The following RERE variants were observed in gnomAD, a reference collection of about 807,000 sequenced individuals.
RERE encodes the protein arginine-glutamic acid dipeptide repeats protein.
A neutral mutation model predicts 146.1 loss-of-function variants in RERE; 40 were observed. The ratio of observed to expected loss-of-function variants is 0.27; its 90% confidence interval spans 0.21 to 0.36. The LOEUF (loss-of-function observed/expected upper bound fraction) is 0.36. Among genes scored for constraint, RERE ranks in the 10% least tolerant of loss-of-function variants. The pLI is 1.00. For synonymous variants in RERE, 1,003 were observed against 866.0 expected (o/e 1.16, Z -2.78); for missense variants, 1,933 against 2,138.7 (o/e 0.90, Z 1.90).
At chr1:8,540,951 C>T (rs183261464) in intron 7 of RERE, among the ~76,000 whole-genome samples, 7 of 152,278 alleles carry the variant, frequency 4.6e-5, no homozygotes, top group Non-Finnish European at 1.0e-4. Flanking sequence ...ATATCTTTAT[C>T]CCACCTTCTT....
chr1:8,486,486 A>G (rs1644901067), intron 10 of RERE, among the ~76,000 whole-genome samples: 2 of 152,180 alleles, frequency 1.3e-5, no homozygotes, highest in Admixed American at 1.3e-4. Context: ...AATTCAAAAC[A>G]TTTTTGAACA....
intron 7 of RERE, chr1:8,519,786 C>T (rs942198883): frequency 3.9e-5 from 6 of 152,048 alleles, no homozygotes; most frequent in Non-Finnish European, 8.8e-5. Flanking sequence ...CTGTCTTGCC[C>T]TCTAGACTGG....
intron 7 of RERE, among the ~76,000 whole-genome samples, chr1:8,525,010 T>C (rs138432350): frequency 1.1e-3 from 163 of 152,244 alleles, no homozygotes; most frequent in Non-Finnish European, 2.1e-3. Context: ...ATAAACAAAA[T>C]ACCTAAACTT....
Position 8,508,524 on chromosome 1 carries a change from G to C in RERE, c.879+103C>G. Reference sequence around the variant, plus strand: ...ACCTCTGTATTTATAAAAAATTCCCGATAGCAATAACCACATTCTAAGATG... The same window carrying C: ...ACCTCTGTATTTATAAAAAATTCCCCATAGCAATAACCACATTCTAAGATG... On this transcript the variant is annotated intron_variant, in intron 8 of 22. Transcript: ENST00000400908. 3 of 887,662 alleles carry C rather than the reference G, an allele frequency of 3.4e-6. 1 individual carries two copies. Among genetic ancestry groups the C allele is most frequent in the Non-Finnish European group, 5.5e-6 (3 of 549,316 alleles). The allele number at this position is 887,662 out of a possible 1,614,324, so 55.0% of individuals were successfully genotyped here. A position where few individuals can be genotyped will look rare whatever the true frequency, so the allele number is the denominator to read the frequency against.
chr1:8,667,122 G>A (rs560431952), intron 1 of RERE, among the ~76,000 whole-genome samples: 1 of 152,140 alleles, frequency 6.6e-6, no homozygotes, highest in Non-Finnish European at 1.5e-5. Flanking sequence ...AAACAACTGA[G>A]AGAACTAAGA....
rs151205046 is a variant in RERE at position 8,696,255 on chromosome 1, G to A, written c.-144-39814C>T. Among the ~76,000 whole-genome samples, 541 of 152,232 alleles carry A rather than the reference G, an allele frequency of 3.6e-3. 1 individual carries two copies. The highest frequency in any genetic ancestry group is 5.4e-3 in the Admixed American group (83 of 15,278). On this transcript the variant is annotated intron_variant, in intron 1 of 22. Transcript: ENST00000400908. ...CATGCACTCGTATGTTCATCACAGC[G>A]CTATACACAATACCAAAGACATGGA...
intron 6 of RERE, among the ~76,000 whole-genome samples, chr1:8,545,685 C>CT (rs1165619190): frequency 0.026 from 3,508 of 135,376 alleles, 94 homozygotes; most frequent in Admixed American, 0.077. Flanking sequence ...ATAAAAAATT[C>CT]TTTTTTTTTT....
intron 4 of RERE, among the ~76,000 whole-genome samples, chr1:8,568,798 GATTT>G (rs1366644223): frequency 6.6e-6 from 1 of 152,098 alleles, no homozygotes; most frequent in Non-Finnish European, 1.5e-5. Flanking sequence ...GATGGAGTGA[GATTT>G]ATTATTCCCT....
At chr1:8,775,296 G>A (rs2124552731) in intron 1 of RERE, among the ~76,000 whole-genome samples, 1 of 152,244 alleles carries the variant, frequency 6.6e-6, no homozygotes, top group Admixed American at 6.5e-5. Flanking sequence ...TCTGGGCCGG[G>A]AACAGTGGCT....
chr1:8,720,269 CA>C (rs34328284), intron 1 of RERE, among the ~76,000 whole-genome samples: 116 of 126,264 alleles, frequency 9.2e-4, no homozygotes, highest in African/African-American at 9.3e-4. Context: ...GACTCCATCT[CA>C]AAAAAAAAAA....
intron 10 of RERE, among the ~76,000 whole-genome samples, chr1:8,491,233 G>A (rs1252477277): frequency 2.0e-5 from 3 of 150,876 alleles, no homozygotes; most frequent in African/African-American, 5.0e-5. Context: ...CTGAGATCGG[G>A]AGTTCGAGAC....
intron 1 of RERE, among the ~76,000 whole-genome samples, chr1:8,669,316 T>G (rs919863352): frequency 2.0e-5 from 3 of 152,106 alleles, no homozygotes; most frequent in African/African-American, 7.2e-5. Context: ...GCTCAAGCAA[T>G]CTGCTTGCCT....
intron 7 of RERE, among the ~76,000 whole-genome samples, chr1:8,531,816 T>C (rs1410756270): frequency 1.3e-5 from 2 of 152,244 alleles, no homozygotes; most frequent in Admixed American, 6.5e-5. Context: ...TTAAGATGAT[T>C]GCATGGGTAC....
chr1:8,596,561 T>C (rs542195292), intron 4 of RERE, among the ~76,000 whole-genome samples: 9 of 152,086 alleles, frequency 5.9e-5, no homozygotes, highest in South Asian at 2.1e-4. Flanking sequence ...GGCTGGGGTA[T>C]AGTAGTACAA....
At chr1:8,440,614 A>G (rs1644233365) in intron 11 of RERE, among the ~76,000 whole-genome samples, 1 of 138,888 alleles carries the variant, frequency 7.2e-6, no homozygotes, top group South Asian at 2.4e-4. Flanking sequence ...AAGGCTGGGC[A>G]CGGTGGCTCC....
chr1:8,556,370 G>C, intron 6 of RERE, 105 bp downstream of exon 6: 1 of 682,666 alleles, frequency 1.5e-6, no homozygotes, highest in Non-Finnish European at 2.6e-6. Context: ...CAAAAGAGGA[G>C]TCTGATTAAT....
At chr1:8,541,628 T>C (rs917036461) in intron 6 of RERE, among the ~76,000 whole-genome samples, 1 of 152,082 alleles carries the variant, frequency 6.6e-6, no homozygotes, top group Non-Finnish European at 1.5e-5. Context: ...ATTAAAACCA[T>C]TGTGAATATA....
chr1:8,635,256 C>T (rs78306889), intron 2 of RERE, among the ~76,000 whole-genome samples: 2,313 of 152,242 alleles, frequency 0.015, 60 homozygotes, highest in African/African-American at 0.053. Flanking sequence ...CCTTATGATA[C>T]AGTGATTTTG....
At chr1:8,457,695 T>G (rs978116690) in intron 11 of RERE, among the ~76,000 whole-genome samples, 1 of 152,122 alleles carries the variant, frequency 6.6e-6, no homozygotes, top group African/African-American at 2.4e-5. Context: ...CTCTGCTTCC[T>G]GGGGAGGTGA....
Sources: allele counts gnomAD v4.1 joint callset (sites outside exome capture counted in the v4.1 genomes callset), GRCh38; gene constraint gnomAD v4.1.1; transcripts MANE v1.5; gene names NCBI Gene and HGNC (gene_info 2026-07-23, HGNC 2026-07-21).